Variants in CSMD1 observed in about 807,000 individuals in gnomAD.
CSMD1 encodes the protein CUB and Sushi multiple domains 1.
A neutral mutation model predicts 417.5 loss-of-function variants in CSMD1; 213 were observed. The ratio of observed to expected loss-of-function variants is 0.51; its 90% CI spans 0.46 to 0.57. CSMD1 has a LOEUF of 0.57. Ranked by LOEUF, CSMD1 falls within the 20% of genes least tolerant of loss-of-function variation. The pLI, the probability that CSMD1 is intolerant of heterozygous loss-of-function variation, is 0.00. For missense variants in CSMD1, 6,923 were observed against 4,529.7 expected, an observed-to-expected ratio of 1.53 and a Z score of -15.17; for synonymous variants, 2,862 against 1,736.8, an observed-to-expected ratio of 1.65 and a Z score of -16.11.
chr8:3,220,531 G>A (rs896705914), intron 28 of CSMD1, among the ~76,000 whole-genome samples: 1 of 152,160 alleles, frequency 6.6e-6, no homozygotes. Context: ...TAAAGTAGAA[G>A]TATTAAAACC....
intron 5 of CSMD1, among the ~76,000 whole-genome samples, chr8:3,938,698 T>A (rs1258976386): frequency 6.6e-6 from 1 of 152,220 alleles, no homozygotes; most frequent in South Asian, 2.1e-4. Flanking sequence ...GAGTTGACTC[T>A]ACAACAATTA....
At chr8:4,178,765 C>G (rs899618952) in intron 3 of CSMD1, among the ~76,000 whole-genome samples, 53 of 152,270 alleles carry the variant, frequency 3.5e-4, no homozygotes, top group Admixed American at 1.3e-3. Context: ...ACAAAAATTA[C>G]AAGCATTGTT....
chr8:3,401,879 A>G (rs1385417800), intron 15 of CSMD1, among the ~76,000 whole-genome samples: 1 of 152,166 alleles, frequency 6.6e-6, no homozygotes, highest in Non-Finnish European at 1.5e-5. Context: ...AATCATGTTC[A>G]TACTCACTTA....
At chr8:4,638,434 G>T (rs1211090574) in intron 1 of CSMD1, among the ~76,000 whole-genome samples, 1 of 152,124 alleles carries the variant, frequency 6.6e-6, no homozygotes, top group Non-Finnish European at 1.5e-5. Context: ...TTATCAAGTT[G>T]AAAATAAAAG....
chr8:3,742,606 G>A (rs112222768), intron 6 of CSMD1, among the ~76,000 whole-genome samples: 3 of 152,042 alleles, frequency 2.0e-5, no homozygotes, highest in Non-Finnish European at 4.4e-5. Flanking sequence ...CTTCACCCTA[G>A]GACGTGCCCA....
At position 4,758,808 on chromosome 8, in the gene CSMD1, C is replaced by G. The variant is rs577047076; in HGVS notation, c.86-121250G>C. Among the ~76,000 whole-genome samples the G allele has an allele frequency of 7.0e-4, 106 of 152,118 alleles. 2 individuals are homozygous for G. Among genetic ancestry groups the G allele is most frequent in the Non-Finnish European group, 3.5e-4 (24 of 68,012 alleles). ...GAGAACAGCATGGGAGAACCTTCCCCCATAATCCAACCACCTCCCACCAGG... is the reference window on the plus strand; with the variant it reads ...GAGAACAGCATGGGAGAACCTTCCCGCATAATCCAACCACCTCCCACCAGG... On this transcript the variant is annotated intron_variant, in intron 1 of 69. Coordinates refer to ENST00000635120, the MANE Select transcript of CSMD1 (RefSeq NM_033225.6).
At chr8:4,237,617 C>G (rs1300742288) in intron 3 of CSMD1, among the ~76,000 whole-genome samples, 1 of 151,988 alleles carries the variant, frequency 6.6e-6, no homozygotes, top group Non-Finnish European at 1.5e-5. Flanking sequence ...TTACTGCAGC[C>G]TCAACCTCCT....
intron 3 of CSMD1, among the ~76,000 whole-genome samples, chr8:4,255,626 C>T (rs767685923): frequency 7.2e-5 from 11 of 152,168 alleles, no homozygotes; most frequent in African/African-American, 2.2e-4. Flanking sequence ...TTATCAGCAA[C>T]AACCTCGCAC....
At chr8:4,463,357 T>C (rs1376958909) in intron 2 of CSMD1, among the ~76,000 whole-genome samples, 3 of 152,204 alleles carry the variant, frequency 2.0e-5, no homozygotes, top group Non-Finnish European at 2.9e-5. Flanking sequence ...GGTGCGTCTA[T>C]TTTGTAAAAT....
rs1465758196 is a variant in CSMD1 at position 3,284,237 on chromosome 8, G to C, written c.4060C>G (p.Pro1354Ala). The C allele has an allele frequency of 4.3e-6, 7 of 1,613,442 alleles. No homozygotes were observed. Among genetic ancestry groups the C allele is most frequent in the Non-Finnish European group, 5.9e-6 (7 of 1,179,758 alleles). Reference protein sequence around the residue: ...LLKEWSGSALPEDIHSTFNSL... With the variant: ...LLKEWSGSALAEDIHSTFNSL... Reference sequence around the variant, plus strand: ...TTGAAGGTGCTGTGGATGTCCTCCGGAAGGGCGGAGCCACTCCACTCCTTC... The same window carrying C: ...TTGAAGGTGCTGTGGATGTCCTCCGCAAGGGCGGAGCCACTCCACTCCTTC... Residue 1354 changes from proline (P) to alanine (A), a missense_variant, in exon 26 of 70, where the codon CCG (proline) becomes GCG (alanine). By Grantham distance (27) the Pro-to-Ala change is conservative (BLOSUM62 -1). Transcript: ENST00000635120.
chr8:3,013,267 C>T (rs181498388), intron 52 of CSMD1, among the ~76,000 whole-genome samples: 1 of 152,078 alleles, frequency 6.6e-6, no homozygotes, highest in East Asian at 1.9e-4. Context: ...TTTTTCCCAC[C>T]CACATGTTCC....
chr8:3,061,380 G>A (rs1035393037), intron 49 of CSMD1, among the ~76,000 whole-genome samples: 1 of 152,152 alleles, frequency 6.6e-6, no homozygotes, highest in Admixed American at 6.5e-5. Flanking sequence ...TTAAATGAAG[G>A]TCAGCTAAAA....
chr8:4,524,981 T>A (rs975591505), intron 2 of CSMD1, among the ~76,000 whole-genome samples: 2 of 152,108 alleles, frequency 1.3e-5, no homozygotes, highest in Non-Finnish European at 2.9e-5. Context: ...TGCCACGTAT[T>A]TTTTTTACTA....
chr8:3,786,557 G>A (rs534535483), intron 5 of CSMD1, among the ~76,000 whole-genome samples: 1 of 152,270 alleles, frequency 6.6e-6, no homozygotes, highest in South Asian at 2.1e-4. Context: ...GCAGACTGAG[G>A]ACTTTACAAC....
intron 1 of CSMD1, among the ~76,000 whole-genome samples, chr8:4,886,966 G>C (rs1803787159): frequency 6.6e-6 from 1 of 151,730 alleles, no homozygotes; most frequent in Non-Finnish European, 1.5e-5. Context: ...TTTCTATTCT[G>C]TATTTCATCA....
intron 1 of CSMD1, among the ~76,000 whole-genome samples, chr8:4,832,110 T>C (rs573032182): frequency 2.0e-5 from 3 of 152,344 alleles, no homozygotes; most frequent in South Asian, 2.1e-4. Context: ...TTTTGTGTAC[T>C]GTTCACTGAA....
intron 51 of CSMD1, among the ~76,000 whole-genome samples, chr8:3,028,055 T>A (rs548428348): frequency 6.6e-6 from 1 of 152,284 alleles, no homozygotes; most frequent in East Asian, 1.9e-4. Context: ...TAGGTGGGCA[T>A]CCCTGGGAAA....
chr8:4,547,228 C>T (rs1018098692), intron 2 of CSMD1, among the ~76,000 whole-genome samples: 1 of 152,192 alleles, frequency 6.6e-6, no homozygotes, highest in Admixed American at 6.6e-5. Flanking sequence ...GGTTCTGCCT[C>T]TGTGGTTTCC....
chr8:4,229,233 C>G (rs1030662714), intron 3 of CSMD1, among the ~76,000 whole-genome samples: 3 of 152,160 alleles, frequency 2.0e-5, no homozygotes, highest in South Asian at 2.1e-4. Flanking sequence ...GCCAATTTGG[C>G]TAGTCCTACT....
Sources: allele counts gnomAD v4.1 joint callset (sites outside exome capture counted in the v4.1 genomes callset), GRCh38; gene constraint gnomAD v4.1.1; transcripts MANE v1.5; gene names NCBI Gene and HGNC (gene_info 2026-07-23, HGNC 2026-07-21).